Variants in ARSG observed in about 807,000 individuals in gnomAD.
ARSG encodes ASG.
Under a neutral mutation model 50.5 loss-of-function variants are expected in ARSG, and 37 were observed. The ratio of observed to expected loss-of-function variants is 0.73; its 90% confidence interval spans 0.56 to 0.96. ARSG has a LOEUF of 0.96. Ranked by LOEUF, ARSG falls within the 50% of genes least tolerant of loss-of-function variation. ARSG has a pLI of 0.00. For missense variants in ARSG, 629 were observed against 675.3 expected (o/e 0.93, Z 0.76); for synonymous variants, 225 against 254.6 (o/e 0.88, Z 1.11).
At chr17:68,366,267 A>T (rs1450042964) in intron 6 of ARSG, among the ~76,000 whole-genome samples, 3 of 152,170 alleles carry the variant, frequency 2.0e-5, no homozygotes, top group Non-Finnish European at 4.4e-5. Context: ...AAATTTATTT[A>T]ATTGTGGACT....
At chr17:68,393,889 A>G (rs1283323039) in intron 9 of ARSG, among the ~76,000 whole-genome samples, 1 of 149,070 alleles carries the variant, frequency 6.7e-6, no homozygotes, top group African/African-American at 2.5e-5. Flanking sequence ...AAAGGGAAAG[A>G]AAAAGAAATT....
the ARSG span, chr17:68,428,739 A>G: frequency 1.0e-6 from 1 of 972,804 alleles, no homozygotes; most frequent in South Asian, 1.4e-5. Context: ...AAATCAATGC[A>G]AGGGCACTGA....
intron 1 of ARSG, among the ~76,000 whole-genome samples, chr17:68,274,955 T>C (rs1281796627): frequency 6.6e-6 from 1 of 152,130 alleles, no homozygotes; most frequent in Non-Finnish European, 1.5e-5. Flanking sequence ...TGATTGTGTA[T>C]TTTTAGTAGA....
chr17:68,308,868 G>A lies in ARSG; in HGVS notation c.218+1157G>A, dbSNP rs192778339. On this transcript the variant is annotated intron_variant, in intron 2 of 11. Transcript: ENST00000621439. ...GGCTTCACCCAGTGGATCCCGCACC[G>A]GCGCTGCAGGTGGAGCTGCCTGCCA... 5.5e-3 allele frequency among the ~76,000 whole-genome samples: 842 copies of A among 152,008 alleles called. 6 individuals are homozygous for A. Among genetic ancestry groups the A allele is most frequent in the African/African-American group, 0.019 (805 of 41,482 alleles).
Position 68,278,310 on chromosome 17 carries a change from T to C in ARSG, c.-552+18884T>C, listed in dbSNP as rs374238917. ...GGCTTTGGAACAAAGCTTTAATTTA[T>C]TTTGGGTCATTCTTAATCTGAAAGA... On this transcript the variant is annotated intron_variant, in intron 1 of 11. Transcript: ENST00000448504. 43 of 1,612,706 alleles carry C rather than the reference T, an allele frequency of 2.7e-5. No homozygotes were observed. In the African/African-American group the frequency reaches 4.8e-4, roughly 18 times the overall value.
rs2080278790 is a variant in ARSG, at chr17:68,378,737, C to A, written c.983-6327C>A. 6.6e-6 allele frequency among the ~76,000 whole-genome samples: 1 copy of A among 152,218 alleles called. No homozygotes were observed. The highest frequency in any genetic ancestry group is 1.5e-5 in the Non-Finnish European group (1 of 68,036). On this transcript the variant is annotated intron_variant, in intron 8 of 11. Coordinates refer to ENST00000621439, the MANE Select transcript of ARSG (RefSeq NM_001267727.2). The surrounding 1 kb of genome is among the most constrained non-coding windows in gnomAD (Gnocchi z 4.4). ...CTGACTGCTCCTCTGTCTGGAAAAT[C>A]TTTTCTCGTTTTATTTGAAGAGCAG...
intron 2 of ARSG, among the ~76,000 whole-genome samples, chr17:68,331,256 TC>T (rs2077752087): frequency 7.6e-6 from 1 of 131,738 alleles, no homozygotes; most frequent in East Asian, 2.1e-4. Flanking sequence ...TTTCTTTCTT[TC>T]TTTCTTTTTT....
intron 2 of ARSG, among the ~76,000 whole-genome samples, chr17:68,312,247 G>A (rs1489946500): frequency 6.6e-6 from 1 of 152,134 alleles, no homozygotes; most frequent in Non-Finnish European, 1.5e-5. Flanking sequence ...GTAACACAGT[G>A]CTTGGTACGT....
intron 2 of ARSG, among the ~76,000 whole-genome samples, chr17:68,324,951 A>G (rs1260509157): frequency 6.6e-6 from 1 of 152,136 alleles, no homozygotes; most frequent in African/African-American, 2.4e-5. Context: ...ATCCTCTTAC[A>G]TAATGAAATT....
chr17:68,444,674 G>A, the ARSG span: 7 of 1,119,466 alleles, frequency 6.3e-6, no homozygotes, highest in Non-Finnish European at 9.0e-6. Flanking sequence ...TTTCATATGA[G>A]TCCTAACTTG....
chr17:68,450,783 T>G, the ARSG span: 1 of 1,613,916 alleles, frequency 6.2e-7, no homozygotes. Context: ...ATTACAGATC[T>G]CTGTGCCTTT....
chr17:68,358,967 TC>T (rs2079160141), intron 6 of ARSG, among the ~76,000 whole-genome samples: 1 of 151,944 alleles, frequency 6.6e-6, no homozygotes, highest in African/African-American at 2.4e-5. Context: ...ATCGAGACCA[TC>T]CTGGCTAACA....
the ARSG span, among the ~76,000 whole-genome samples, chr17:68,442,855 C>T: frequency 6.6e-6 from 1 of 152,198 alleles, no homozygotes; most frequent in African/African-American, 2.4e-5. Flanking sequence ...TTGAAGGGAA[C>T]TCGTGACAAC....
intron 7 of ARSG, 63 bp from the exon 8 acceptor site, chr17:68,370,381 T>C (rs2079772667): frequency 6.8e-7 from 1 of 1,473,748 alleles, no homozygotes; most frequent in Non-Finnish European, 9.5e-7. Context: ...AGGGCCAGAG[T>C]GGGAGGGTCA....
the ARSG span, among the ~76,000 whole-genome samples, chr17:68,442,818 CTG>C: frequency 6.6e-6 from 1 of 152,200 alleles, no homozygotes; most frequent in Non-Finnish European, 1.5e-5. Context: ...GCTGGCGCAC[CTG>C]TCTCAGACCA....
At chr17:68,391,053 G>T (rs991220925) in intron 9 of ARSG, among the ~76,000 whole-genome samples, 4 of 152,014 alleles carry the variant, frequency 2.6e-5, no homozygotes, top group Non-Finnish European at 1.5e-5. Flanking sequence ...TGAAGTATAG[G>T]TTTGTATTTA....
intron 1 of ARSG, among the ~76,000 whole-genome samples, chr17:68,278,991 T>C (rs1244528436): frequency 5.3e-5 from 8 of 152,178 alleles, no homozygotes; most frequent in African/African-American, 1.4e-4. Context: ...TATATGTATA[T>C]ACAAATCTTG....
intron 6 of ARSG, among the ~76,000 whole-genome samples, chr17:68,361,575 C>G (rs2079288197): frequency 6.6e-6 from 1 of 151,576 alleles, no homozygotes. Flanking sequence ...ACAAAACAAA[C>G]AAACAAACAA....
intron 9 of ARSG, among the ~76,000 whole-genome samples, chr17:68,388,320 G>A (rs2080823259): frequency 6.6e-6 from 1 of 152,176 alleles, no homozygotes; most frequent in African/African-American, 2.4e-5. Flanking sequence ...GCGCTTTATA[G>A]GATGTTTAGC....
Sources: allele counts gnomAD v4.1 joint callset (sites outside exome capture counted in the v4.1 genomes callset), GRCh38; gene constraint gnomAD v4.1.1; non-coding constraint Gnocchi (gnomAD v3.1); transcripts MANE v1.5; gene names NCBI Gene and HGNC (gene_info 2026-07-23, HGNC 2026-07-21).